Variants in ZNF717 observed in about 807,000 individuals in gnomAD.
The protein encoded by ZNF717 is zinc finger protein 717, also known as krueppel-like factor X17.
A neutral mutation model predicts 13.8 loss-of-function variants in ZNF717; 9 were observed. The ratio of observed to expected loss-of-function variants is 0.65; its 90% confidence interval spans 0.39 to 1.14. ZNF717 has a LOEUF of 1.14. Ranked by LOEUF, ZNF717 falls within the 50% of genes most tolerant of loss-of-function variation. The pLI, the probability that ZNF717 is intolerant of heterozygous loss-of-function variation, is 0.01. For synonymous variants in ZNF717, 327 were observed against 364.1 expected (o/e 0.90, Z 1.16); for missense variants, 1,040 against 1,080.7 (o/e 0.96, Z 0.53).
At chr3:75,764,990 G>GATATATCTATATATATATATATAT (rs1943326000) in intron 2 of ZNF717, among the ~76,000 whole-genome samples, 1 of 102,300 alleles carries the variant, frequency 9.8e-6, no homozygotes, top group Non-Finnish European at 1.8e-5. Context: ...TAAACAAAAG[G>GATATATCTATATATATATATATAT]ATATATATAT....
At chr3:75,724,030 A>C (rs1938224679) in intron 4 of ZNF717, among the ~76,000 whole-genome samples, 1 of 151,972 alleles carries the variant, frequency 6.6e-6, no homozygotes, top group African/African-American at 2.4e-5. Flanking sequence ...AAGTACTAAA[A>C]GTCTTTGAAA....
chr3:75,739,293 T>C lies in ZNF717; in HGVS notation c.330A>G (p.Arg110=). The C allele has an allele frequency of 2.0e-6, 3 of 1,511,894 alleles. No homozygotes were observed. Among genetic ancestry groups the C allele is most frequent in the African/African-American group, 1.4e-5 (1 of 71,698 alleles). The allele number at this position is 1,511,894 out of a possible 1,614,324, so 93.7% of individuals were successfully genotyped here. Residue 110 remains arginine (R), a synonymous_variant, in exon 5 of 5, where the codon AGA becomes AGG. Transcript: ENST00000652011. ...LIERSHESHD[R]FFWQIVITNS... ...TGGTGATTACAATTTGCCAGAAAAA[T>C]CTATCATGACTTTCATGGCTCCTTT...
downstream of ZNF717, among the ~76,000 whole-genome samples, chr3:75,731,791 A>C (rs1035634708): frequency 6.6e-6 from 1 of 152,236 alleles, no homozygotes; most frequent in Non-Finnish European, 1.5e-5. Flanking sequence ...GAGACTGAAA[A>C]ATCAACAATC....
downstream of ZNF717, among the ~76,000 whole-genome samples, chr3:75,728,852 A>G (rs1183394389): frequency 1.3e-5 from 2 of 152,226 alleles, no homozygotes; most frequent in African/African-American, 4.8e-5. Context: ...TGTCTCAGTG[A>G]ATCTCATTTA....
At position 75,736,182 on chromosome 3, in the gene ZNF717, G is replaced by A. The variant is rs79305051; in HGVS notation, c.*696C>T. 8 of 152,282 alleles carry A rather than the reference G, an allele frequency of 5.3e-5. No individual in the cohort carries two copies. The highest frequency in any genetic ancestry group is 1.9e-4 in the African/African-American group (8 of 41,440). 9.4% of individuals were successfully genotyped at this position (152,282 alleles called of 1,614,324 possible). Reference sequence around the variant, plus strand: ...TGCTTCATTGACTAGTCATTTCCCTGTCTCTGTTTCTCTCTTCTAGCTCCC... The same window carrying A: ...TGCTTCATTGACTAGTCATTTCCCTATCTCTGTTTCTCTCTTCTAGCTCCC... On this transcript the variant is annotated 3_prime_UTR_variant, in exon 5 of 5. Transcript: ENST00000652011.
chr3:75,718,192 A>G (rs1251774883), intron 4 of ZNF717, among the ~76,000 whole-genome samples: 1 of 152,166 alleles, frequency 6.6e-6, no homozygotes, highest in Admixed American at 6.5e-5. Flanking sequence ...TCCAGTCAGT[A>G]GTAGAAGGCT....
chr3:75,723,147 A>G (rs1471953209), intron 4 of ZNF717, among the ~76,000 whole-genome samples: 1 of 152,012 alleles, frequency 6.6e-6, no homozygotes, highest in Non-Finnish European at 1.5e-5. Context: ...AAAAATTGTC[A>G]TGTTCAAGAA....
chr3:75,750,054 C>G (rs1409311300), intron 2 of ZNF717, among the ~76,000 whole-genome samples: 1 of 151,302 alleles, frequency 6.6e-6, no homozygotes, highest in African/African-American at 2.4e-5. Context: ...AACACTGCTA[C>G]GAGGGTCTGA....
downstream of ZNF717, among the ~76,000 whole-genome samples, chr3:75,734,696 A>G (rs1427616690): frequency 6.7e-6 from 1 of 148,724 alleles, no homozygotes; most frequent in Non-Finnish European, 1.5e-5. Context: ...CGGCCTCCCA[A>G]AGTCCTGGGA....
At chr3:75,781,598 G>A (rs1301179603) in intron 2 of ZNF717, among the ~76,000 whole-genome samples, 2 of 152,124 alleles carry the variant, frequency 1.3e-5, no homozygotes, top group Non-Finnish European at 2.9e-5. Flanking sequence ...CTCTCCCTTA[G>A]CTGAGAAAAC....
At chr3:75,707,401 A>C (rs1333343653), downstream of ZNF717, among the ~76,000 whole-genome samples, 1 of 152,272 alleles carries the variant, frequency 6.6e-6, no homozygotes, top group Non-Finnish European at 1.5e-5. Flanking sequence ...CATACACCTC[A>C]TTGTCCCCAA....
intron 2 of ZNF717, among the ~76,000 whole-genome samples, chr3:75,772,329 A>G (rs1943961052): frequency 6.6e-6 from 1 of 152,224 alleles, no homozygotes; most frequent in South Asian, 2.1e-4. Flanking sequence ...CCTGCCAACC[A>G]GCAGCGCTGA....
Position 75,737,506 on chromosome 3 carries a change from A to G in ZNF717, c.2117T>C (p.Met706Thr), listed in dbSNP as rs1939490156. Residue 706 changes from methionine to threonine, a missense_variant, in exon 5 of 5, where the codon ATG (methionine) becomes ACG (threonine). Around this residue, in one of 3 missense-constraint regions of ZNF717, gnomAD observed 873 missense variants for 832.8 expected, o/e 1.05. Coordinates refer to ENST00000652011, the MANE Select transcript of ZNF717 (RefSeq NM_001290208.3). ...LTPGKSPMNV[M>T]NVENPFIRRQ... ...TCTGATGAAAGGATTTTCCACATTC[A>G]TTACATTCATAGGGCTTTTCCCCGG... 8.4e-6 allele frequency: 13 copies of G among 1,554,382 alleles called. No individual in the cohort carries two copies. Among genetic ancestry groups the G allele is most frequent in the Admixed American group, 3.9e-5 (2 of 51,198 alleles).
At chr3:75,721,738 A>T (rs1452999120) in intron 4 of ZNF717, among the ~76,000 whole-genome samples, 3 of 152,296 alleles carry the variant, frequency 2.0e-5, no homozygotes, top group Admixed American at 2.0e-4. Context: ...AAACCCTATG[A>T]TAGAAAGAAA....
intron 2 of ZNF717, among the ~76,000 whole-genome samples, chr3:75,774,921 G>A (rs1368413160): frequency 6.6e-6 from 1 of 151,160 alleles, no homozygotes; most frequent in East Asian, 2.0e-4. Flanking sequence ...ACCTGGCCAG[G>A]ATTTCTAAAA....
At chr3:75,777,027 C>T (rs1489169962) in intron 2 of ZNF717, among the ~76,000 whole-genome samples, 1 of 152,184 alleles carries the variant, frequency 6.6e-6, no homozygotes, top group East Asian at 1.9e-4. Flanking sequence ...GGTGATATCC[C>T]AGTAGTCGTA....
intron 2 of ZNF717, among the ~76,000 whole-genome samples, chr3:75,761,101 A>G (rs1476928354): frequency 6.6e-6 from 1 of 152,222 alleles, no homozygotes; most frequent in African/African-American, 2.4e-5. Context: ...GAAATAAAAA[A>G]TCCAAAGAGA....
downstream of ZNF717, among the ~76,000 whole-genome samples, chr3:75,704,755 C>A (rs1937768016): frequency 2.0e-5 from 3 of 152,370 alleles, no homozygotes; most frequent in South Asian, 6.3e-4. Context: ...CTGGAGGCTG[C>A]CCCAGGAAAG....
chr3:75,768,633 G>C (rs373159457), intron 2 of ZNF717, among the ~76,000 whole-genome samples: 1 of 135,982 alleles, frequency 7.4e-6, no homozygotes, highest in African/African-American at 2.9e-5. Flanking sequence ...ACCACAACCT[G>C]ATTCAGTCCT....
Sources: gnomAD v4.1 joint callset for allele counts (sites outside exome capture counted in the v4.1 genomes callset) on GRCh38, gnomAD v4.1.1 for gene constraint, gnomAD v4.1.1 regional missense constraint, MANE v1.5 for transcripts, NCBI Gene and HGNC (gene_info 2026-07-23, HGNC 2026-07-21) for gene names.